The following PATL1 variants were observed in gnomAD, a reference collection of about 807,000 sequenced individuals.
The protein encoded by PATL1 is PAT1 homolog 1, processing body mRNA decay factor, also known as protein PAT1 homolog 1.
Under a neutral mutation model 100.6 loss-of-function variants are expected in PATL1, and 32 were observed. That is an observed-to-expected ratio of 0.32 (90% confidence interval 0.24 to 0.43). PATL1 has a LOEUF of 0.43. Among genes scored for constraint, PATL1 ranks in the 20% least tolerant of loss-of-function variants. PATL1 has a pLI of 1.00. For missense variants in PATL1, 747 were observed against 949.9 expected, an observed-to-expected ratio of 0.79 and a Z score of 2.81; for synonymous variants, 332 against 330.0, an observed-to-expected ratio of 1.01 and a Z score of -0.07.
intron 1 of PATL1, 41 bp from the exon 2 acceptor site, chr11:59,667,005 C>T (rs776081012): frequency 6.6e-7 from 1 of 1,523,318 alleles, no homozygotes; most frequent in South Asian, 1.3e-5. Flanking sequence ...ATGAAATTCA[C>T]ACCCTCATTT....
At chr11:59,650,059 T>C (rs752130058) in intron 13 of PATL1, among the ~76,000 whole-genome samples, 1 of 148,376 alleles carries the variant, frequency 6.7e-6, no homozygotes, top group Non-Finnish European at 1.5e-5. Flanking sequence ...AGGCGGAGGT[T>C]GCAGTGAGCC....
intron 18 of PATL1, among the ~76,000 whole-genome samples, chr11:59,638,761 A>C (rs552420469): frequency 6.6e-6 from 1 of 151,810 alleles, no homozygotes; most frequent in Non-Finnish European, 1.5e-5. Context: ...GCTCACTGCA[A>C]TCTCTGTCTC....
rs1157923628 is a variant in PATL1, at chr11:59,652,456, G to A, written c.1426+8C>T. 1.9e-6 allele frequency: 3 copies of A among 1,602,734 alleles called. No individual in the cohort carries two copies. The East Asian group carries it at 6.7e-5, about 36-fold the overall frequency. On this transcript the variant is annotated splice_region_variant and intron_variant, in intron 11 of 18. Transcript: ENST00000300146. ...TTATTATGGGCATTTTTCTTATGAG[G>A]ACCTTACCTGGCTTATAGGCGTGCT... is the stretch of plus-strand genomic sequence containing the variant.
chr11:59,668,046 G>T (rs954273649), intron 1 of PATL1, among the ~76,000 whole-genome samples: 9 of 152,178 alleles, frequency 5.9e-5, no homozygotes, highest in African/African-American at 2.2e-4. Context: ...ATGCCAATAG[G>T]CATGCCACTG....
At chr11:59,641,507 C>CT (rs1332086471) in intron 16 of PATL1, among the ~76,000 whole-genome samples, 6 of 152,144 alleles carry the variant, frequency 3.9e-5, no homozygotes, top group Admixed American at 2.6e-4. Context: ...AATCCCAACA[C>CT]TTTGGGAGGT....
At position 59,658,563 on chromosome 11, in the gene PATL1, T is replaced by C. The variant is rs150466524; in HGVS notation, c.426+303A>G. Among the ~76,000 whole-genome samples the C allele has an allele frequency of 3.4e-3, 511 of 152,272 alleles. 5 individuals are homozygous for C. The highest frequency in any genetic ancestry group is 0.011 in the African/African-American group (458 of 41,550). On this transcript the variant is annotated intron_variant, in intron 4 of 18. Transcript: ENST00000300146. ...GTCTTGAACTCCTCACCTCAAGTGA[T>C]CCACCTGTCTCAGCCTCTCAAAGTG...
chr11:59,655,621 T>G lies in PATL1; in HGVS notation c.933A>C (p.Pro311=). ...TAAAGAAGGCACGGAAGCCTGGTGC[T>G]GGGGGAAGCATCTGCCCAACTCGCC... ...LQGRVGQMLP[P]APGFRAFFSA... The change falls in exon 8 of 19, where the codon CCA becomes CCC. Residue 311 remains proline (P), a synonymous_variant. Coordinates refer to ENST00000300146, the MANE Select transcript of PATL1 (RefSeq NM_152716.3). 6.3e-7 allele frequency: 1 copy of G among 1,596,516 alleles called. No homozygotes were observed. Among genetic ancestry groups the G allele is most frequent in the Non-Finnish European group, 8.5e-7 (1 of 1,171,326 alleles).
intron 2 of PATL1, among the ~76,000 whole-genome samples, chr11:59,661,712 T>C (rs1330954084): frequency 6.6e-6 from 1 of 152,218 alleles, no homozygotes; most frequent in Non-Finnish European, 1.5e-5. Context: ...TTCCCCACAA[T>C]TCCACAGCTG....
chr11:59,663,235 G>A (rs769857486), intron 2 of PATL1, among the ~76,000 whole-genome samples: 2 of 151,926 alleles, frequency 1.3e-5, no homozygotes, highest in Non-Finnish European at 2.9e-5. Flanking sequence ...ACTCTGATAC[G>A]GGTTACTGAA....
intron 1 of PATL1, among the ~76,000 whole-genome samples, chr11:59,667,791 T>C (rs1861711927): frequency 6.6e-6 from 1 of 152,340 alleles, no homozygotes; most frequent in South Asian, 2.1e-4. Context: ...TGTGTTCTAT[T>C]TTCCCCCTTT....
At chr11:59,642,785 TCCCAAG>T in intron 16 of PATL1, 89 bp downstream of exon 16, 1 of 1,346,454 alleles carries the variant, frequency 7.4e-7, no homozygotes, top group Admixed American at 2.4e-5. Flanking sequence ...GAAGCCTTTT[TCCCAAG>T]TTGCTAGAGA....
chr11:59,656,420 C>A, intron 6 of PATL1, 79 bp downstream of exon 6: 1 of 1,216,032 alleles, frequency 8.2e-7, no homozygotes, highest in Non-Finnish European at 1.2e-6. Context: ...GTCAGCAAAT[C>A]TAAATACTGG....
chr11:59,639,214 A>G lies in PATL1; in HGVS notation c.2142-17T>C, dbSNP rs769442978. ...ACCTCCGTCCTGACAGGGAAGACCC[A>G]TAATAATATCAGGAGAAAAAAATTT... On this transcript the variant is annotated splice_polypyrimidine_tract_variant and intron_variant, in intron 17 of 18. Coordinates refer to ENST00000300146, the MANE Select transcript of PATL1 (RefSeq NM_152716.3). The G allele has an allele frequency of 2.5e-6, 4 of 1,611,754 alleles. No individual in the cohort carries two copies. Among genetic ancestry groups the G allele is most frequent in the Admixed American group, 1.7e-5 (1 of 59,426 alleles).
At chr11:59,649,896 C>T (rs917017787) in intron 13 of PATL1, among the ~76,000 whole-genome samples, 3 of 151,922 alleles carry the variant, frequency 2.0e-5, no homozygotes, top group African/African-American at 4.8e-5. Context: ...CTGAGATGGG[C>T]GGATCACGTG....
At chr11:59,650,940 T>A (rs1861435510) in intron 12 of PATL1, 127 bp from the exon 13 acceptor site, 1 of 676,266 alleles carries the variant, frequency 1.5e-6, no homozygotes, top group Non-Finnish European at 2.4e-6. Flanking sequence ...AAGTTAATAA[T>A]CTAAAACAAC....
Position 59,650,778 on chromosome 11 carries a change from TCTC to T in PATL1, c.1557_1559del (p.Arg520del). 6.4e-7 allele frequency: 1 copy of T among 1,557,724 alleles called. No individual in the cohort carries two copies. The highest frequency in any genetic ancestry group is 8.7e-7 in the Non-Finnish European group (1 of 1,149,228). ...CTTTCTCAATTATAACAAGGGTTTTTCTCCTCTTGTCTCGAACTTGTTTTTCTT... is the reference window on the plus strand; with the variant it reads ...CTTTCTCAATTATAACAAGGGTTTTTCTCTTGTCTCGAACTTGTTTTTCTT... On this transcript the variant is annotated inframe_deletion, in exon 13 of 19. Coordinates refer to ENST00000300146, the MANE Select transcript of PATL1 (RefSeq NM_152716.3).
intron 16 of PATL1, among the ~76,000 whole-genome samples, chr11:59,641,099 A>T (rs573214866): frequency 3.3e-5 from 5 of 152,038 alleles, no homozygotes; most frequent in African/African-American, 1.2e-4. Context: ...TGAACCTGGG[A>T]GGCAGGGGTT....
chr11:59,656,560 G>A lies in PATL1; in HGVS notation c.662C>T (p.Pro221Leu), dbSNP rs1861537964. ...ACCATAGGGAGCAGGATAACGAGGTGGCATTGGGGGCCGAACATGGACAGG... is the reference window on the plus strand; with the variant it reads ...ACCATAGGGAGCAGGATAACGAGGTAGCATTGGGGGCCGAACATGGACAGG... ...PKPVHVRPPM[P>L]PRYPAPYGER... is the part of the protein sequence containing the mutation. The change falls in exon 6 of 19, where the codon CCA becomes CTA. Residue 221 changes from proline to leucine, a missense_variant. This residue lies in a region of PATL1 where 127 missense variants were observed against 116.0 expected (regional missense o/e 1.09). Coordinates refer to ENST00000300146, the MANE Select transcript of PATL1 (RefSeq NM_152716.3). 2 of 1,613,944 alleles carry A rather than the reference G, an allele frequency of 1.2e-6. No individual in the cohort carries two copies.
At chr11:59,662,181 T>C (rs11821465) in intron 2 of PATL1, among the ~76,000 whole-genome samples, 26,609 of 152,176 alleles carry the variant, frequency 0.17, 4,309 homozygotes, top group African/African-American at 0.43. Context: ...CTAGTTTGGT[T>C]GATTTATGTA....
Sources: gnomAD v4.1 joint callset for allele counts (sites outside exome capture counted in the v4.1 genomes callset) on GRCh38, gnomAD v4.1.1 for gene constraint, gnomAD v4.1.1 regional missense constraint, MANE v1.5 for transcripts, NCBI Gene and HGNC (gene_info 2026-07-23, HGNC 2026-07-21) for gene names.